FMN2: variants seen among roughly 807,000 people sequenced by gnomAD.
FMN2 encodes formin 2, also known as formin-2.
Under a neutral mutation model 142.3 loss-of-function variants are expected in FMN2, and 51 were observed. The observed-to-expected ratio is 0.36, with a 90% confidence interval of 0.29 to 0.45. The LOEUF is 0.45. Ranked by LOEUF, FMN2 falls within the 20% of genes least tolerant of loss-of-function variation. The pLI is 1.00. For synonymous variants in FMN2, 882 were observed against 869.8 expected (o/e 1.01, Z -0.25); for missense variants, 1,936 against 2,122.8 (o/e 0.91, Z 1.73).
chr1:240,223,316 G>C (rs965429342), intron 6 of FMN2, among the ~76,000 whole-genome samples: 10 of 152,164 alleles, frequency 6.6e-5, no homozygotes, highest in African/African-American at 2.4e-4. Flanking sequence ...AACCAGCCTT[G>C]CATCCCAGGG....
At chr1:240,317,296 G>T (rs1670819823) in intron 8 of FMN2, among the ~76,000 whole-genome samples, 1 of 125,484 alleles carries the variant, frequency 8.0e-6, no homozygotes, top group African/African-American at 2.9e-5. Flanking sequence ...AGCCTGGGGA[G>T]ACTCCATCTA....
chr1:240,145,930 G>A (rs1204444821), intron 2 of FMN2, among the ~76,000 whole-genome samples: 2 of 152,112 alleles, frequency 1.3e-5, no homozygotes, highest in South Asian at 4.1e-4. Flanking sequence ...CCTGCAGACA[G>A]GGGTGCTCAG....
intron 4 of FMN2, among the ~76,000 whole-genome samples, chr1:240,205,149 A>G (rs896473113): frequency 1.3e-5 from 2 of 152,082 alleles, no homozygotes; most frequent in African/African-American, 4.8e-5. Flanking sequence ...ACCGTGGCCT[A>G]TGGGGATCAT....
In FMN2 at chr1:240,473,636, C is replaced by T. The variant is rs529799617; in HGVS notation, c.5143-492C>T. On this transcript the variant is annotated intron_variant, in intron 17 of 17. Coordinates refer to ENST00000319653, the MANE Select transcript of FMN2 (RefSeq NM_020066.5). The surrounding 1 kb of genome is among the most constrained non-coding windows in gnomAD (Gnocchi z 4.3). ...TTCAGTTTCTCTGTATCAAAATGATCTTATCTAATGATAACTACTACATGA... is the reference window on the plus strand; with the variant it reads ...TTCAGTTTCTCTGTATCAAAATGATTTTATCTAATGATAACTACTACATGA... Among the ~76,000 whole-genome samples, 48 of 152,200 alleles carry T rather than the reference C, an allele frequency of 3.2e-4. No homozygotes were observed. Among genetic ancestry groups the T allele is most frequent in the African/African-American group, 1.1e-3 (47 of 41,526 alleles).
chr1:240,447,830 G>A (rs1484182732), intron 16 of FMN2, among the ~76,000 whole-genome samples: 1 of 152,162 alleles, frequency 6.6e-6, no homozygotes, highest in Admixed American at 6.5e-5. Context: ...CTCAAAAAAA[G>A]TTGACGTTCA....
At chr1:240,277,525 C>CTTTTTTTTT (rs34678861) in intron 7 of FMN2, among the ~76,000 whole-genome samples, 67 of 66,138 alleles carry the variant, frequency 1.0e-3, no homozygotes, top group Non-Finnish European at 1.4e-3. Context: ...GCATCTTCTT[C>CTTTTTTTTT]TTTTTTTTTT....
intron 4 of FMN2, among the ~76,000 whole-genome samples, chr1:240,199,107 A>AAAAC (rs140171888): frequency 6.6e-6 from 1 of 151,700 alleles, no homozygotes; most frequent in South Asian, 2.1e-4. Flanking sequence ...TCCGTCTCAA[A>AAAAC]AAACAAACAA....
intron 8 of FMN2, among the ~76,000 whole-genome samples, chr1:240,325,415 T>TA (rs200903745): frequency 0.013 from 1,979 of 151,650 alleles, 41 homozygotes; most frequent in African/African-American, 0.045. Flanking sequence ...TAACATAGGT[T>TA]AAAAAAAGAG....
chr1:240,313,123 T>G lies in FMN2; in HGVS notation c.4216-15953T>G, dbSNP rs567132436. The stretch of plus-strand genomic sequence containing the variant: ...AGATGACCAGTTACCACTTACCCTT[T>G]CTTTTGGGAGGTCTTTACTAAGTGA... On this transcript the variant is annotated intron_variant, in intron 8 of 17. Coordinates refer to ENST00000319653, the MANE Select transcript of FMN2 (RefSeq NM_020066.5). 2.0e-5 allele frequency among the ~76,000 whole-genome samples: 3 copies of G among 152,320 alleles called. No individual in the cohort carries two copies. In the East Asian group the frequency reaches 5.8e-4, roughly 29 times the overall value.
At chr1:240,257,509 T>G (rs757240172) in intron 6 of FMN2, among the ~76,000 whole-genome samples, 1 of 152,224 alleles carries the variant, frequency 6.6e-6, no homozygotes, top group African/African-American at 2.4e-5. Context: ...GTGTGTACTT[T>G]TATTTTGCGC....
chr1:240,209,549 C>T (rs1016926655), intron 5 of FMN2, among the ~76,000 whole-genome samples: 1 of 150,818 alleles, frequency 6.6e-6, no homozygotes, highest in Admixed American at 6.6e-5. Context: ...CCACCGGGCA[C>T]GGCCGCAAAT....
At chr1:240,387,482 G>A (rs1037131252) in intron 14 of FMN2, among the ~76,000 whole-genome samples, 1 of 152,162 alleles carries the variant, frequency 6.6e-6, no homozygotes, top group African/African-American at 2.4e-5. Flanking sequence ...AAAGTGGGGA[G>A]GGGACTAAGG....
intron 6 of FMN2, among the ~76,000 whole-genome samples, chr1:240,236,605 A>T (rs1667721147): frequency 6.6e-6 from 1 of 152,158 alleles, no homozygotes; most frequent in Non-Finnish European, 1.5e-5. Flanking sequence ...GGTTTTACTC[A>T]CGGCAGAAGG....
At chr1:240,414,116 T>C (rs1572282900) in intron 15 of FMN2, among the ~76,000 whole-genome samples, 1 of 152,196 alleles carries the variant, frequency 6.6e-6, no homozygotes, top group Non-Finnish European at 1.5e-5. Flanking sequence ...TAGGTTTGTG[T>C]GGACTTGGTT....
chr1:240,404,910 T>C (rs1010619821), intron 15 of FMN2, among the ~76,000 whole-genome samples: 3 of 152,226 alleles, frequency 2.0e-5, no homozygotes, highest in African/African-American at 7.2e-5. Flanking sequence ...TTAATGTTTT[T>C]TTCCAGTCTT....
At chr1:240,443,560 C>T (rs539976627) in intron 16 of FMN2, among the ~76,000 whole-genome samples, 1 of 152,128 alleles carries the variant, frequency 6.6e-6, no homozygotes, top group South Asian at 2.1e-4. Context: ...CGAGACCAGC[C>T]TGGCCAACAT....
intron 8 of FMN2, among the ~76,000 whole-genome samples, chr1:240,311,113 A>G (rs984519069): frequency 1.3e-5 from 2 of 152,148 alleles, no homozygotes; most frequent in Non-Finnish European, 2.9e-5. Context: ...AGTAGAAAGA[A>G]TTAGAGATCT....
intron 14 of FMN2, among the ~76,000 whole-genome samples, chr1:240,379,374 G>C: frequency 6.6e-6 from 1 of 152,082 alleles, no homozygotes; most frequent in Non-Finnish European, 1.5e-5. Context: ...TAATTTTACT[G>C]TATACAGGTG....
In FMN2 at chr1:240,092,401, C is replaced by G. The variant is rs781315139; in HGVS notation, c.292C>G (p.Leu98Val). The G allele has an allele frequency of 3.7e-6, 6 of 1,612,642 alleles. No individual in the cohort carries two copies. In the East Asian group the frequency reaches 1.3e-4, roughly 36 times the overall value. ...KGAGGSREDV[L>V]DSQALQTGEL... ...CGCCGGCGGCTCCCGCGAAGATGTA[C>G]TGGATTCCCAGGCCCTGCAGACCGG... is the stretch of plus-strand genomic sequence containing the variant. The change falls in exon 1 of 18, where the codon CTG becomes GTG. Residue 98 changes from leucine (L) to valine (V), a missense_variant. This residue lies in a region of FMN2 where 751 missense variants were observed against 791.8 expected (regional missense o/e 0.95). Coordinates refer to ENST00000319653, the MANE Select transcript of FMN2 (RefSeq NM_020066.5).
Sources: gnomAD v4.1 joint callset for allele counts (sites outside exome capture counted in the v4.1 genomes callset) on GRCh38, gnomAD v4.1.1 for gene constraint, gnomAD v4.1.1 regional missense constraint, Gnocchi (gnomAD v3.1) non-coding constraint, MANE v1.5 for transcripts, NCBI Gene and HGNC (gene_info 2026-07-23, HGNC 2026-07-21) for gene names.